Variants in KLF17 observed in about 807,000 individuals in gnomAD.
The protein encoded by KLF17 is Krueppel-like factor 17.
Under a neutral mutation model 34.2 loss-of-function variants are expected in KLF17, and 31 were observed. That is an observed-to-expected ratio of 0.91 (90% CI 0.68 to 1.22). The LOEUF (loss-of-function observed/expected upper bound fraction) is 1.22, where lower values mean the gene tolerates loss of function less well. Among genes scored for constraint, KLF17 ranks in the 50% most tolerant of loss-of-function variants. The pLI is 0.00. For missense variants in KLF17, 478 were observed against 505.2 expected (o/e 0.95, Z 0.52); for synonymous variants, 179 against 186.7 (o/e 0.96, Z 0.34).
At chr1:44,103,930 G>A in the KLF17 span, 1 of 848,114 alleles carries the variant, frequency 1.2e-6, no homozygotes, top group East Asian at 2.4e-5. Flanking sequence ...TACTTGATCT[G>A]GTACATGCTC....
chr1:44,099,908 AG>A, the KLF17 span, among the ~76,000 whole-genome samples: 8 of 67,202 alleles, frequency 1.2e-4, 1 homozygote, highest in Non-Finnish European at 2.7e-4. Flanking sequence ...AAAGAAAGAA[AG>A]AAAGAAAGAA....
At chr1:44,045,758 C>T in the KLF17 span, among the ~76,000 whole-genome samples, 3 of 152,154 alleles carry the variant, frequency 2.0e-5, no homozygotes, top group Non-Finnish European at 2.9e-5. Context: ...AACATACTTT[C>T]ACACACAACC....
the KLF17 span, among the ~76,000 whole-genome samples, chr1:44,080,776 G>A: frequency 2.9e-5 from 4 of 139,046 alleles, no homozygotes; most frequent in Admixed American, 1.5e-4. Flanking sequence ...GTGCGATGGC[G>A]TGATCTCGGC....
the KLF17 span, among the ~76,000 whole-genome samples, chr1:44,058,247 C>A: frequency 6.6e-6 from 1 of 152,126 alleles, no homozygotes; most frequent in Non-Finnish European, 1.5e-5. Flanking sequence ...TGTTAGGAGA[C>A]CTCAGAGGCC....
chr1:44,060,078 T>G, the KLF17 span, among the ~76,000 whole-genome samples: 3 of 152,138 alleles, frequency 2.0e-5, no homozygotes, highest in Admixed American at 6.6e-5. Context: ...AGGCTCATTT[T>G]GTTTGTGGCC....
At chr1:44,102,613 C>A in the KLF17 span, among the ~76,000 whole-genome samples, 104 of 87,184 alleles carry the variant, frequency 1.2e-3, no homozygotes, top group Middle Eastern at 5.7e-3. Context: ...CACACACACA[C>A]AGAAAAGAAA....
upstream of KLF17, chr1:44,118,745 C>T (rs113495484): frequency 1.2e-5 from 6 of 492,516 alleles, no homozygotes; most frequent in South Asian, 1.7e-4. Context: ...GCGAGGGCGG[C>T]GCAGGGCGGG....
chr1:44,127,639 C>CTTTCTTTCTTTCTTTCA (rs1553171634), intron 1 of KLF17, among the ~76,000 whole-genome samples: 1 of 77,346 alleles, frequency 1.3e-5, no homozygotes, highest in African/African-American at 5.1e-5. Flanking sequence ...CTTTTCTTTC[C>CTTTCTTTCTTTCTTTCA]TTCTTTCTTT....
chr1:44,092,689 G>T, the KLF17 span, among the ~76,000 whole-genome samples: 1 of 148,676 alleles, frequency 6.7e-6, no homozygotes, highest in Non-Finnish European at 1.5e-5. Flanking sequence ...GGTTGGACTT[G>T]AACTCTTAGG....
chr1:44,050,369 T>C, the KLF17 span, among the ~76,000 whole-genome samples: 1 of 152,242 alleles, frequency 6.6e-6, no homozygotes, highest in African/African-American at 2.4e-5. Flanking sequence ...ACCAGTGCCA[T>C]GTCAGTTTAC....
chr1:44,064,721 T>C, the KLF17 span, among the ~76,000 whole-genome samples: 1 of 152,228 alleles, frequency 6.6e-6, no homozygotes, highest in Non-Finnish European at 1.5e-5. Context: ...CACCTTCACA[T>C]ATAGGTAACC....
At chr1:44,044,797 T>A in the KLF17 span, 1 of 152,298 alleles carries the variant, frequency 6.6e-6, no homozygotes, top group East Asian at 1.9e-4. Context: ...ACTGAGCCGA[T>A]ACTTGTAAAG....
the KLF17 span, among the ~76,000 whole-genome samples, chr1:44,055,875 A>G: frequency 6.6e-6 from 1 of 152,148 alleles, no homozygotes; most frequent in Non-Finnish European, 1.5e-5. Context: ...GAGAATATAG[A>G]TTTGTTCAGG....
At chr1:44,087,751 TATATATATATATATATATACACACAC>T in the KLF17 span, among the ~76,000 whole-genome samples, 2 of 69,156 alleles carry the variant, frequency 2.9e-5, no homozygotes, top group African/African-American at 6.6e-5. Flanking sequence ...TATATATATA[TATATATATATATATATATACACACAC>T]ACACACACAC....
chr1:44,048,002 ATGTG>A, the KLF17 span: 6,560 of 134,140 alleles, frequency 0.049, 151 homozygotes, highest in Middle Eastern at 0.11. Flanking sequence ...TTGTGTGTGT[ATGTG>A]TGTGTGTGTG....
upstream of KLF17, among the ~76,000 whole-genome samples, chr1:44,116,246 G>A (rs1015095222): frequency 1.3e-5 from 2 of 152,096 alleles, no homozygotes; most frequent in African/African-American, 4.8e-5. Flanking sequence ...CATTTCTCAA[G>A]GGCCTGCTCT....
the KLF17 span, among the ~76,000 whole-genome samples, chr1:44,088,912 A>G: frequency 6.6e-6 from 1 of 152,206 alleles, no homozygotes; most frequent in African/African-American, 2.4e-5. Flanking sequence ...AACAAAATCT[A>G]GGGTATGACT....
chr1:44,058,360 G>A, the KLF17 span, among the ~76,000 whole-genome samples: 1 of 152,000 alleles, frequency 6.6e-6, no homozygotes, highest in Non-Finnish European at 1.5e-5. Flanking sequence ...GCACGATCTC[G>A]GCTCACTGAA....
the KLF17 span, chr1:44,061,336 A>G: frequency 1.3e-5 from 2 of 152,260 alleles, no homozygotes; most frequent in Non-Finnish European, 2.9e-5. Context: ...TCCCTTTAAG[A>G]TTAAAGAGGA....
Sources: gnomAD v4.1 joint callset for allele counts (sites outside exome capture counted in the v4.1 genomes callset) on GRCh38, gnomAD v4.1.1 for gene constraint, MANE v1.5 for transcripts, NCBI Gene and HGNC (gene_info 2026-07-23, HGNC 2026-07-21) for gene names.